The following PLCXD3 variants were observed in gnomAD, a reference collection of about 807,000 sequenced individuals.
PLCXD3 encodes the protein phosphatidylinositol specific phospholipase C X domain containing 3.
In PLCXD3, 19 loss-of-function variants were observed where a neutral mutation model predicts 25.5. The observed-to-expected ratio is 0.75, with a 90% CI of 0.52 to 1.09. PLCXD3 has a LOEUF of 1.09. Ranked by LOEUF, PLCXD3 falls within the 50% of genes least tolerant of loss-of-function variation. The probability of loss-of-function intolerance (pLI) is 0.00; values close to 1 mark genes in which losing one functional copy is unlikely to be tolerated. For missense variants in PLCXD3, 411 were observed against 388.1 expected, an observed-to-expected ratio of 1.06 and a Z score of -0.50; for synonymous variants, 174 against 137.6, an observed-to-expected ratio of 1.26 and a Z score of -1.85.
At position 41,313,386 on chromosome 5, in the gene PLCXD3, T is replaced by C; in HGVS notation, c.*231A>G. On this transcript the variant is annotated 3_prime_UTR_variant, in exon 3 of 3. Transcript: ENST00000377801. Reference sequence around the variant, plus strand: ...AAAGTTACTGGTCTTTTTTTTTTATTCCTAACACTAGAAGTAGATTTTGCT... The same window carrying C: ...AAAGTTACTGGTCTTTTTTTTTTATCCCTAACACTAGAAGTAGATTTTGCT... 2.2e-6 allele frequency: 1 copy of C among 457,888 alleles called. No homozygotes were observed. The highest frequency in any genetic ancestry group is 3.8e-6 in the Non-Finnish European group (1 of 261,496). 28.4% of individuals were successfully genotyped at this position (457,888 alleles called of 1,614,324 possible).
chr5:41,470,751 T>C (rs981300363), intron 1 of PLCXD3, among the ~76,000 whole-genome samples: 4 of 152,078 alleles, frequency 2.6e-5, no homozygotes, highest in Non-Finnish European at 5.9e-5. Flanking sequence ...ATTTTCTGGG[T>C]AGTCCAAAGA....
intron 1 of PLCXD3, among the ~76,000 whole-genome samples, chr5:41,460,313 A>G (rs1216146703): frequency 6.6e-6 from 1 of 151,950 alleles, no homozygotes; most frequent in Non-Finnish European, 1.5e-5. Flanking sequence ...TGAACTGTAC[A>G]TAATTCACAG....
At chr5:41,393,807 G>A (rs1301462272) in intron 1 of PLCXD3, among the ~76,000 whole-genome samples, 1 of 152,074 alleles carries the variant, frequency 6.6e-6, no homozygotes, top group Non-Finnish European at 1.5e-5. Flanking sequence ...GTGGACACCT[G>A]TAGTCCCAGC....
At chr5:41,430,513 G>A (rs981221254) in intron 1 of PLCXD3, among the ~76,000 whole-genome samples, 1 of 152,126 alleles carries the variant, frequency 6.6e-6, no homozygotes, top group Non-Finnish European at 1.5e-5. Context: ...GGCTTAATGA[G>A]GCCGAGAATA....
intron 1 of PLCXD3, among the ~76,000 whole-genome samples, chr5:41,424,437 G>A (rs1232028486): frequency 1.3e-5 from 2 of 152,124 alleles, no homozygotes; most frequent in East Asian, 3.9e-4. Context: ...CTACTCGGGA[G>A]GCTGGGGCAG....
intron 2 of PLCXD3, among the ~76,000 whole-genome samples, chr5:41,350,482 A>G (rs1013848022): frequency 1.3e-5 from 2 of 152,182 alleles, no homozygotes; most frequent in Non-Finnish European, 2.9e-5. Context: ...TATACTATGA[A>G]TTTTCATGGA....
Position 41,330,839 on chromosome 5 carries a change from A to T in PLCXD3, c.813-17069T>A, listed in dbSNP as rs1384349641. Among the ~76,000 whole-genome samples, 4 of 152,320 alleles carry T rather than the reference A, an allele frequency of 2.6e-5. No individual in the cohort carries two copies. In the East Asian group the frequency reaches 5.8e-4, roughly 22 times the overall value. On this transcript the variant is annotated intron_variant, in intron 2 of 2. Transcript: ENST00000377801. ...CCAGCATATAAACAGAGCCAAAGAC[A>T]AAAACCACATGATTATCTCAATAGA...
At chr5:41,467,443 T>G (rs1234518989) in intron 1 of PLCXD3, among the ~76,000 whole-genome samples, 2 of 152,150 alleles carry the variant, frequency 1.3e-5, no homozygotes, top group African/African-American at 4.8e-5. Flanking sequence ...CTTATTTTTT[T>G]GGATATTAAC....
intron 1 of PLCXD3, among the ~76,000 whole-genome samples, chr5:41,482,725 C>CA (rs1194286141): frequency 1.3e-5 from 2 of 152,106 alleles, no homozygotes; most frequent in African/African-American, 2.4e-5. Flanking sequence ...GTGTTTATGT[C>CA]AAAAAACATT....
chr5:41,352,896 G>T (rs1182300795), intron 2 of PLCXD3, among the ~76,000 whole-genome samples: 1 of 152,108 alleles, frequency 6.6e-6, no homozygotes, highest in Admixed American at 6.6e-5. Context: ...CCCAGGGTTT[G>T]ACTTATTTGA....
At chr5:41,494,008 G>A (rs1011099241) in intron 1 of PLCXD3, among the ~76,000 whole-genome samples, 5 of 152,232 alleles carry the variant, frequency 3.3e-5, no homozygotes, top group Non-Finnish European at 7.3e-5. Flanking sequence ...TGGAAATGCA[G>A]AAATCACCCG....
At chr5:41,341,854 A>T (rs778289433) in intron 2 of PLCXD3, among the ~76,000 whole-genome samples, 1 of 152,206 alleles carries the variant, frequency 6.6e-6, no homozygotes, top group African/African-American at 2.4e-5. Context: ...TGATGCCATC[A>T]TACTGCTTAG....
intron 1 of PLCXD3, among the ~76,000 whole-genome samples, chr5:41,414,617 T>C (rs1746651064): frequency 6.6e-6 from 1 of 152,240 alleles, no homozygotes; most frequent in Non-Finnish European, 1.5e-5. Context: ...ATACAGTACT[T>C]AACCCTTATT....
intron 1 of PLCXD3, among the ~76,000 whole-genome samples, chr5:41,499,176 G>T (rs1200931349): frequency 1.3e-5 from 2 of 151,096 alleles, no homozygotes; most frequent in Admixed American, 1.3e-4. Context: ...AAACAAAAAA[G>T]AAAGAAAATG....
At chr5:41,486,440 A>G (rs757874627) in intron 1 of PLCXD3, among the ~76,000 whole-genome samples, 1 of 151,732 alleles carries the variant, frequency 6.6e-6, no homozygotes, top group Non-Finnish European at 1.5e-5. Context: ...ACAACAGTCC[A>G]TTTTTCTATG....
chr5:41,440,249 T>TTTTTTTTTTTTG lies in PLCXD3; in HGVS notation c.104-57716_104-57715insCAAAAAAAAAAA, dbSNP rs751131624. On this transcript the variant is annotated intron_variant, in intron 1 of 2. Transcript: ENST00000377801. ...TTTTTTTTTTTTTTTTTTTTTTTTT[T>TTTTTTTTTTTTG]TTAGTCAGAGTCTCACTGTGTCACC... 8.7e-3 allele frequency among the ~76,000 whole-genome samples: 871 copies of TTTTTTTTTTTTG among 100,324 alleles called. 87 individuals are homozygous for TTTTTTTTTTTTG. The highest frequency in any genetic ancestry group is 0.012 in the Non-Finnish European group (604 of 49,564). The allele number at this position is 100,324 out of a possible 152,430, so 65.8% of individuals were successfully genotyped here.
rs2289786 is a variant in PLCXD3 at position 41,313,419 on chromosome 5, T to A, written c.*198A>T. The A allele has an allele frequency of 1.8e-3, 934 of 510,228 alleles. 18 individuals are homozygous for A. The East Asian group carries it at 0.028, about 15-fold the overall frequency. The allele number at this position is 510,228 out of a possible 1,614,324, so 31.6% of individuals were successfully genotyped here. A position where few individuals can be genotyped will look rare whatever the true frequency, so the allele number is the denominator to read the frequency against. ...CTAGAAGTAGATTTTGCTCATCAAA[T>A]GGGAAATGAAATATTTATAGTAATG... On this transcript the variant is annotated 3_prime_UTR_variant, in exon 3 of 3. Coordinates refer to ENST00000377801, the MANE Select transcript of PLCXD3 (RefSeq NM_001005473.3).
Position 41,390,034 on chromosome 5 carries a change from A to T in PLCXD3, c.104-7500T>A, listed in dbSNP as rs74783127. ...TATCCACCCCAAGATCCAGGCAACC[A>T]CTAATCTGCTATATATCACTCTAAG... On this transcript the variant is annotated intron_variant, in intron 1 of 2. Coordinates refer to ENST00000377801, the MANE Select transcript of PLCXD3 (RefSeq NM_001005473.3). Among the ~76,000 whole-genome samples, 527 of 152,228 alleles carry T rather than the reference A, an allele frequency of 3.5e-3. 2 individuals are homozygous for T. The highest frequency in any genetic ancestry group is 5.4e-3 in the Admixed American group (83 of 15,268).
In PLCXD3 at chr5:41,404,708, T is replaced by C. The variant is rs552900667; in HGVS notation, c.104-22174A>G. Among the ~76,000 whole-genome samples the C allele has an allele frequency of 5.3e-5, 8 of 152,326 alleles. No individual in the cohort carries two copies. In the East Asian group the frequency reaches 1.5e-3, roughly 29 times the overall value. On this transcript the variant is annotated intron_variant, in intron 1 of 2. Coordinates refer to ENST00000377801, the MANE Select transcript of PLCXD3 (RefSeq NM_001005473.3). ...TTTAATATCTTTCCAGTATTATTTATAGAAGTTTTTGGAATGAACTTCCGG... is the reference window on the plus strand; with the variant it reads ...TTTAATATCTTTCCAGTATTATTTACAGAAGTTTTTGGAATGAACTTCCGG...
Sources: allele counts gnomAD v4.1 joint callset (sites outside exome capture counted in the v4.1 genomes callset), GRCh38; gene constraint gnomAD v4.1.1; transcripts MANE v1.5; gene names NCBI Gene and HGNC (gene_info 2026-07-23, HGNC 2026-07-21).